The following AP1B1 variants were observed in gnomAD, a reference collection of about 807,000 sequenced individuals.
AP1B1 encodes AP-1 complex subunit beta-1.
AP1B1 carries 36 observed loss-of-function variants against 104.3 expected under a neutral mutation model. That is an observed-to-expected ratio of 0.35 (90% CI 0.26 to 0.46). AP1B1 has a LOEUF of 0.46. AP1B1 is among the 20% of genes least tolerant of loss of function. The probability of loss-of-function intolerance (pLI) is 1.00; values close to 1 mark genes in which losing one functional copy is unlikely to be tolerated. For missense variants in AP1B1, 901 were observed against 1,247.9 expected, an observed-to-expected ratio of 0.72 and a Z score of 4.19; for synonymous variants, 504 against 517.5, an observed-to-expected ratio of 0.97 and a Z score of 0.35.
chr22:29,365,362 A>T (rs2519487), intron 2 of AP1B1, among the ~76,000 whole-genome samples: 8 of 151,982 alleles, frequency 5.3e-5, no homozygotes, highest in Non-Finnish European at 7.4e-5. Flanking sequence ...AATAAAAAAA[A>T]TAGCTGGGCA....
intron 1 of AP1B1, among the ~76,000 whole-genome samples, chr22:29,378,860 C>CA (rs695434): frequency 1.4e-3 from 157 of 110,122 alleles, no homozygotes; most frequent in Non-Finnish European, 1.6e-3. Flanking sequence ...CTCCGTCCCA[C>CA]AAAAAAAAAA....
Position 29,358,967 on chromosome 22 carries a change from C to G in AP1B1, c.284G>C (p.Cys95Ser). 1 of 1,608,840 alleles carries G rather than the reference C, an allele frequency of 6.2e-7. No homozygotes were observed. Among genetic ancestry groups the G allele is most frequent in the South Asian group, 1.1e-5 (1 of 90,254 alleles). ...IMAVNTFVKD[C>S]EDPNPLIRAL... ...TCGGATGAGGGGGTTGGGGTCCTCACAGTCCTGGGGGGAACCAGCCATCGG... is the reference window on the plus strand; with the variant it reads ...TCGGATGAGGGGGTTGGGGTCCTCAGAGTCCTGGGGGGAACCAGCCATCGG... The change falls in exon 5 of 23, where the codon TGT becomes TCT. Residue 95 changes from cysteine (C) to serine (S), a missense_variant. Coordinates refer to ENST00000357586, the MANE Select transcript of AP1B1 (RefSeq NM_001127.4).
chr22:29,360,038 TGA>T, intron 3 of AP1B1, 79 bp from the exon 4 acceptor site: 1 of 1,506,552 alleles, frequency 6.6e-7, no homozygotes, highest in Admixed American at 1.8e-5. Flanking sequence ...AACTAGTGGG[TGA>T]GAGGACAGTG....
In AP1B1 at chr22:29,349,398, C is replaced by T; in HGVS notation, c.1272-15G>A. The T allele has an allele frequency of 6.2e-7, 1 of 1,612,728 alleles. No homozygotes were observed. Among genetic ancestry groups the T allele is most frequent in the Non-Finnish European group, 8.5e-7 (1 of 1,179,644 alleles). ...CACTCTCATACCTGGGAGACCAGGG[C>T]ACAGTTGGTATGGGAGCCCTCAAGG... On this transcript the variant is annotated splice_polypyrimidine_tract_variant and intron_variant, in intron 10 of 22. Transcript: ENST00000357586.
rs1226450398 is a variant in AP1B1 at position 29,328,799 on chromosome 22, G to T, written c.*22C>A. On this transcript the variant is annotated 3_prime_UTR_variant, in exon 23 of 23. Transcript: ENST00000357586. This position sits in a 1 kb window ranked among gnomAD's most constrained non-coding sequence, Gnocchi z 4.1. Reference sequence around the variant, plus strand: ...TCCTCGATGGGGCGGGCAGAAGGCTGGGGTGGGCGCTGGCCGGGGTCTCAG... The same window carrying T: ...TCCTCGATGGGGCGGGCAGAAGGCTTGGGTGGGCGCTGGCCGGGGTCTCAG... 6.3e-7 allele frequency: 1 copy of T among 1,597,444 alleles called. No individual in the cohort carries two copies.
chr22:29,338,347 C>T (rs760031729), intron 16 of AP1B1, among the ~76,000 whole-genome samples: 1 of 152,222 alleles, frequency 6.6e-6, no homozygotes, highest in African/African-American at 2.4e-5. Flanking sequence ...AAACCATTCA[C>T]GGGGTCCAGG....
intron 1 of AP1B1, among the ~76,000 whole-genome samples, chr22:29,367,471 T>A (rs1365986878): frequency 6.6e-6 from 1 of 151,272 alleles, no homozygotes; most frequent in African/African-American, 2.4e-5. Flanking sequence ...CCTTTTTTTT[T>A]TTTTTTTCTT....
Position 29,329,487 on chromosome 22 carries a change from C to T in AP1B1, c.2775+225G>A, listed in dbSNP as rs549825468. 95 of 1,396,182 alleles carry T rather than the reference C, an allele frequency of 6.8e-5. 1 individual carries two copies. In the South Asian group the frequency reaches 1.4e-3, roughly 21 times the overall value. 86.5% of individuals were successfully genotyped at this position (1,396,182 alleles called of 1,614,324 possible). On this transcript the variant is annotated intron_variant, in intron 22 of 22. Transcript: ENST00000357586. ...GGAACAATGGAGTTCCGCAGGTCAG[C>T]AGCAGCCCACGGGCCCTCCAGGTCT...
chr22:29,350,116 T>A lies in AP1B1; in HGVS notation c.1190A>T (p.Asp397Val), dbSNP rs2061851395. Reference protein sequence around the residue: ...SAERCVSTLLDLIQTKVNYVV... With the variant: ...SAERCVSTLLVLIQTKVNYVV... ...ATAGTTGACCTTGGTCTGGATGAGG[T>A]CGAGCAGCGTGCTCACACAGCGCTC... The change falls in exon 10 of 23, where the codon GAC becomes GTC. Residue 397 changes from aspartate (D) to valine (V), a missense_variant. Asp to Val is a radical substitution (Grantham distance 152, BLOSUM62 -3). Transcript: ENST00000357586. The A allele has an allele frequency of 6.2e-7, 1 of 1,614,132 alleles. No individual in the cohort carries two copies. The highest frequency in any genetic ancestry group is 8.5e-7 in the Non-Finnish European group (1 of 1,180,010).
chr22:29,346,794 T>G (rs1423081752), intron 11 of AP1B1, among the ~76,000 whole-genome samples: 14 of 147,578 alleles, frequency 9.5e-5, no homozygotes, highest in African/African-American at 3.0e-4. Context: ...CAGGTGGCAG[T>G]GGGGGGGGGT....
At chr22:29,330,775 C>A in intron 19 of AP1B1, 66 bp from the exon 20 acceptor site, 1 of 1,411,866 alleles carries the variant, frequency 7.1e-7, no homozygotes, top group Non-Finnish European at 9.7e-7. Flanking sequence ...CTCTGTAGCT[C>A]AGCAGGAAAT....
At chr22:29,339,858 G>A (rs2061688592) in intron 14 of AP1B1, 84 bp from the exon 15 acceptor site, 5 of 1,426,866 alleles carry the variant, frequency 3.5e-6, no homozygotes, top group African/African-American at 1.4e-5. Flanking sequence ...AGAAACAAGA[G>A]AGAGAAGGGA....
At position 29,341,821 on chromosome 22, in the gene AP1B1, C is replaced by A. The variant is rs1024776173; in HGVS notation, c.1537-61G>T. ...GTAGCCAGGTGAGAAGGGAGGAGACCTTCCTGCAGCCATGAGCCAGGTGCG... is the reference window on the plus strand; with the variant it reads ...GTAGCCAGGTGAGAAGGGAGGAGACATTCCTGCAGCCATGAGCCAGGTGCG... On this transcript the variant is annotated intron_variant, in intron 12 of 22. Transcript: ENST00000357586. 2.6e-6 allele frequency: 4 copies of A among 1,541,802 alleles called. No homozygotes were observed. The Admixed American group carries it at 7.5e-5, about 29-fold the overall frequency.
chr22:29,329,133 G>T, intron 22 of AP1B1: 1 of 1,336,868 alleles, frequency 7.5e-7, no homozygotes, highest in Non-Finnish European at 9.6e-7. Flanking sequence ...AGTCACCAGA[G>T]CCCTGCTGGC....
Position 29,351,589 on chromosome 22 carries a change from C to A in AP1B1, c.1059+116G>T, listed in dbSNP as rs542545508. 17 of 1,388,368 alleles carry A rather than the reference C, an allele frequency of 1.2e-5. No individual in the cohort carries two copies. The Admixed American group carries it at 4.1e-4, about 34-fold the overall frequency. 86.0% of individuals were successfully genotyped at this position (1,388,368 alleles called of 1,614,324 possible). A position where few individuals can be genotyped will look rare whatever the true frequency, so the allele number is the denominator to read the frequency against. On this transcript the variant is annotated intron_variant, in intron 8 of 22. Transcript: ENST00000357586. Reference sequence around the variant, plus strand: ...AGCCCCATGTCCCATGCTAAACACTCTTCATGAGATAAACCGTTAATGGTG... The same window carrying A: ...AGCCCCATGTCCCATGCTAAACACTATTCATGAGATAAACCGTTAATGGTG...
intron 19 of AP1B1, among the ~76,000 whole-genome samples, 186 bp from the exon 20 acceptor site, chr22:29,330,895 C>A (rs955477900): frequency 1.3e-5 from 2 of 152,152 alleles, no homozygotes; most frequent in Admixed American, 6.5e-5. Flanking sequence ...GGCCCCAGTG[C>A]CGCTTCCAAA....
chr22:29,350,650 A>G (rs1490975488), intron 9 of AP1B1, among the ~76,000 whole-genome samples: 1 of 152,116 alleles, frequency 6.6e-6, no homozygotes, highest in Non-Finnish European at 1.5e-5. Context: ...GCGACCACCT[A>G]TCCTAGGACA....
intron 17 of AP1B1, 70 bp downstream of exon 17, chr22:29,334,195 G>C: frequency 5.8e-6 from 8 of 1,378,014 alleles, no homozygotes; most frequent in Admixed American, 2.4e-5. Context: ...GCAGTCCCCA[G>C]AACAGACTCC....
chr22:29,334,253 G>A lies in AP1B1; in HGVS notation c.2309+12C>T. 1.3e-6 allele frequency: 2 copies of A among 1,583,720 alleles called. No individual in the cohort carries two copies. The highest frequency in any genetic ancestry group is 1.7e-6 in the Non-Finnish European group (2 of 1,166,468). On this transcript the variant is annotated intron_variant, in intron 17 of 22. Coordinates refer to ENST00000357586, the MANE Select transcript of AP1B1 (RefSeq NM_001127.4). ...CCTCTTGAGAGGTGCGCTGGCCTCA[G>A]GGAGCTCTCACCTGTTGCGGTTGAA...
Sources: allele counts gnomAD v4.1 joint callset (sites outside exome capture counted in the v4.1 genomes callset), GRCh38; gene constraint gnomAD v4.1.1; non-coding constraint Gnocchi (gnomAD v3.1); transcripts MANE v1.5; gene names NCBI Gene and HGNC (gene_info 2026-07-23, HGNC 2026-07-21).